AGBL1: variants seen among roughly 807,000 people sequenced by gnomAD.
AGBL1 encodes the protein AGBL carboxypeptidase 1, also known as cytosolic carboxypeptidase 4.
AGBL1 carries 130 observed loss-of-function variants against 118.9 expected under a neutral mutation model. The ratio of observed to expected loss-of-function variants is 1.09; its 90% CI spans 0.95 to 1.26. The LOEUF (loss-of-function observed/expected upper bound fraction) is 1.26, where lower values mean the gene tolerates loss of function less well. Ranked by LOEUF, AGBL1 falls within the 50% of genes most tolerant of loss-of-function variation. The pLI, the probability that AGBL1 is intolerant of heterozygous loss-of-function variation, is 0.00. For synonymous variants in AGBL1, 555 were observed against 478.9 expected (o/e 1.16, Z -2.08); for missense variants, 1,584 against 1,298.1 (o/e 1.22, Z -3.38).
At chr15:86,695,037 A>T (rs2086232681) in intron 22 of AGBL1, among the ~76,000 whole-genome samples, 1 of 151,912 alleles carries the variant, frequency 6.6e-6, no homozygotes, top group African/African-American at 2.4e-5. Flanking sequence ...TTCATCAGGG[A>T]TATTGGTCTG....
intron 22 of AGBL1, among the ~76,000 whole-genome samples, chr15:86,701,410 G>T (rs1168914719): frequency 2.0e-5 from 3 of 152,068 alleles, no homozygotes; most frequent in Non-Finnish European, 4.4e-5. Flanking sequence ...ATAAATAGTT[G>T]ATAGAATCCA....
chr15:86,700,324 G>C (rs147983116), intron 22 of AGBL1, among the ~76,000 whole-genome samples: 1 of 151,852 alleles, frequency 6.6e-6, no homozygotes, highest in African/African-American at 2.4e-5. Flanking sequence ...TTCTGGCACA[G>C]CAGTATGTTC....
At chr15:87,014,220 C>A (rs996494109) in intron 24 of AGBL1, among the ~76,000 whole-genome samples, 1 of 152,272 alleles carries the variant, frequency 6.6e-6, no homozygotes, top group South Asian at 2.1e-4. Flanking sequence ...GTTTCTTCAT[C>A]ATCACAATAT....
At chr15:86,425,743 C>G (rs989460606) in intron 18 of AGBL1, among the ~76,000 whole-genome samples, 2 of 152,112 alleles carry the variant, frequency 1.3e-5, no homozygotes, top group African/African-American at 4.8e-5. Context: ...ATGTCCAGGG[C>G]CAACATGCTA....
chr15:86,557,004 A>G (rs960485595), intron 21 of AGBL1, among the ~76,000 whole-genome samples: 1 of 152,216 alleles, frequency 6.6e-6, no homozygotes, highest in African/African-American at 2.4e-5. Flanking sequence ...AACATAAGCT[A>G]TTACCTTAAA....
At chr15:86,896,054 C>G (rs1016783054) in intron 22 of AGBL1, among the ~76,000 whole-genome samples, 1 of 152,024 alleles carries the variant, frequency 6.6e-6, no homozygotes. Flanking sequence ...TGACATTTAA[C>G]CATTCTATTA....
chr15:86,302,071 G>T (rs1250424308), intron 17 of AGBL1, among the ~76,000 whole-genome samples: 3 of 152,180 alleles, frequency 2.0e-5, no homozygotes, highest in Non-Finnish European at 4.4e-5. Context: ...CCCTCAAGCT[G>T]TGTGACATCG....
intron 22 of AGBL1, among the ~76,000 whole-genome samples, chr15:86,860,719 TG>T: frequency 6.6e-6 from 1 of 151,842 alleles, no homozygotes; most frequent in South Asian, 2.1e-4. Flanking sequence ...AGTAAGTGTG[TG>T]TGTGTGTGTG....
Position 86,636,746 on chromosome 15 carries a change from TATATATATATATAC to T in AGBL1, c.2995-37525_2995-37512del, listed in dbSNP as rs1160159377. ...ATATATATATATATATATATATATA[TATATATATATATAC>T]ACATACATACAGAAAGGCAAGAGAA... On this transcript the variant is annotated intron_variant, in intron 21 of 22. Coordinates refer to ENST00000614907, the MANE Select transcript of AGBL1 (RefSeq NM_001386094.1). 1.7e-3 allele frequency among the ~76,000 whole-genome samples: 93 copies of T among 56,234 alleles called. 5 individuals are homozygous for T. The highest frequency in any genetic ancestry group is 5.6e-3 in the South Asian group (8 of 1,418). The allele number at this position is 56,234 out of a possible 152,430, so 36.9% of individuals were successfully genotyped here. A position where few individuals can be genotyped will look rare whatever the true frequency, so the allele number is the denominator to read the frequency against.
chr15:87,030,106 A>C (rs960766866), downstream of AGBL1, among the ~76,000 whole-genome samples: 1 of 151,942 alleles, frequency 6.6e-6, no homozygotes, highest in Non-Finnish European at 1.5e-5. Context: ...ATCTGGAAAA[A>C]CTGCTTATAC....
intron 5 of AGBL1, among the ~76,000 whole-genome samples, chr15:86,166,399 A>T (rs916620535): frequency 6.6e-6 from 1 of 152,154 alleles, no homozygotes; most frequent in East Asian, 1.9e-4. Flanking sequence ...ATGCCTTTAT[A>T]ATGCCTTTCT....
At chr15:86,852,217 G>A (rs1360412642) in intron 22 of AGBL1, among the ~76,000 whole-genome samples, 1 of 152,158 alleles carries the variant, frequency 6.6e-6, no homozygotes, top group East Asian at 1.9e-4. Context: ...ACAAGGGGCA[G>A]GAGAGAAAGA....
At chr15:86,211,675 C>T (rs888051047) in intron 5 of AGBL1, among the ~76,000 whole-genome samples, 1 of 152,160 alleles carries the variant, frequency 6.6e-6, no homozygotes, top group Non-Finnish European at 1.5e-5. Context: ...CCTGGTGTGC[C>T]ATTTGCTAAG....
At chr15:86,338,831 C>G (rs1567206527) in intron 17 of AGBL1, among the ~76,000 whole-genome samples, 1 of 152,128 alleles carries the variant, frequency 6.6e-6, no homozygotes, top group Non-Finnish European at 1.5e-5. Context: ...GAGAGTGGAT[C>G]TCCTTGCTCT....
chr15:86,478,133 T>C (rs2082590321), intron 18 of AGBL1, among the ~76,000 whole-genome samples: 1 of 152,158 alleles, frequency 6.6e-6, no homozygotes, highest in South Asian at 2.1e-4. Flanking sequence ...TCATACTGAA[T>C]GGGCAAAAAC....
At chr15:86,884,815 A>AACAG (rs1257000008) in intron 22 of AGBL1, among the ~76,000 whole-genome samples, 4 of 152,048 alleles carry the variant, frequency 2.6e-5, no homozygotes, top group Admixed American at 2.6e-4. Context: ...TTGTGTCAAA[A>AACAG]ACAAACAAAC....
intron 24 of AGBL1, among the ~76,000 whole-genome samples, chr15:87,006,459 G>T (rs548342923): frequency 3.9e-4 from 59 of 152,302 alleles, no homozygotes; most frequent in African/African-American, 1.2e-3. Flanking sequence ...CTAGCCATGA[G>T]TGAGGCTCCG....
At chr15:86,879,377 G>A (rs1215942008) in intron 22 of AGBL1, among the ~76,000 whole-genome samples, 3 of 151,994 alleles carry the variant, frequency 2.0e-5, no homozygotes, top group African/African-American at 7.2e-5. Context: ...GTCTTTTTTT[G>A]GGAAAGAACT....
intron 22 of AGBL1, among the ~76,000 whole-genome samples, chr15:86,833,072 G>T (rs548450371): frequency 6.6e-5 from 10 of 152,062 alleles, no homozygotes; most frequent in African/African-American, 2.4e-4. Context: ...ATCACATCTC[G>T]TGAGACTTAA....
Sources: allele counts gnomAD v4.1 joint callset (sites outside exome capture counted in the v4.1 genomes callset), GRCh38; gene constraint gnomAD v4.1.1; transcripts MANE v1.5; gene names NCBI Gene and HGNC (gene_info 2026-07-23, HGNC 2026-07-21).